The following COL4A4 variants were observed in gnomAD, a reference collection of about 807,000 sequenced individuals.
COL4A4 encodes the protein collagen alpha-4(IV) chain.
COL4A4 carries 105 observed loss-of-function variants against 192.9 expected under a neutral mutation model. That is an observed-to-expected ratio of 0.54 (90% CI 0.46 to 0.64). The LOEUF is 0.64. COL4A4 is among the 30% of genes least tolerant of loss of function. COL4A4 has a pLI of 0.00. For missense variants in COL4A4, 1,967 were observed against 2,169.3 expected (o/e 0.91, Z 1.85); for synonymous variants, 762 against 769.9 (o/e 0.99, Z 0.17).
intron 37 of COL4A4, among the ~76,000 whole-genome samples, chr2:227,034,032 T>C (rs1490402526): frequency 6.6e-6 from 1 of 152,226 alleles, no homozygotes; most frequent in South Asian, 2.1e-4. Context: ...GCTCCAGCTA[T>C]TGCTTTGCAG....
In COL4A4 at chr2:227,123,384, CA is replaced by C. The variant is rs1315790525; in HGVS notation, c.193-2237del. ...GAAAGCCCTCACAGCCTGACTTCAT[CA>C]GGGTGCTCCAGGAGCAACACAGAGG... On this transcript the variant is annotated intron_variant, in intron 4 of 47. Transcript: ENST00000396625. This position sits in a 1 kb window ranked among gnomAD's most constrained non-coding sequence, Gnocchi z 4.6. 2.0e-5 allele frequency among the ~76,000 whole-genome samples: 3 copies of C among 152,212 alleles called. No individual in the cohort carries two copies. Among genetic ancestry groups the C allele is most frequent in the African/African-American group, 7.2e-5 (3 of 41,456 alleles).
the COL4A4 span, among the ~76,000 whole-genome samples, chr2:226,992,748 C>T: frequency 6.6e-6 from 1 of 152,124 alleles, no homozygotes; most frequent in East Asian, 1.9e-4. Flanking sequence ...GCAGGAAGGG[C>T]GGGAATGGTG....
chr2:227,011,391 A>G (rs1422715689), intron 45 of COL4A4, among the ~76,000 whole-genome samples: 2 of 152,168 alleles, frequency 1.3e-5, no homozygotes, highest in Non-Finnish European at 2.9e-5. Flanking sequence ...GATATTTTGA[A>G]CGAAGAGAGT....
At chr2:226,986,295 G>A in the COL4A4 span, among the ~76,000 whole-genome samples, 1 of 152,056 alleles carries the variant, frequency 6.6e-6, no homozygotes, top group Non-Finnish European at 1.5e-5. Flanking sequence ...AAGGAAATTA[G>A]TGAAAAAAAC....
chr2:227,114,418 T>C lies in COL4A4; in HGVS notation c.558+210A>G, dbSNP rs113424875. ...CTTGCAGTTCTGACTAGTTCAGAAG[T>C]AATGGAATTTTACAGTGCTGGAATT... On this transcript the variant is annotated intron_variant, in intron 8 of 47. Transcript: ENST00000396625. 0.035 allele frequency among the ~76,000 whole-genome samples: 5,308 copies of C among 152,306 alleles called. 304 individuals carry two copies. Among genetic ancestry groups the C allele is most frequent in the African/African-American group, 0.12 (4,965 of 41,544 alleles).
intron 20 of COL4A4, 85 bp from the exon 21 acceptor site, chr2:227,090,042 C>T: frequency 9.9e-7 from 1 of 1,011,622 alleles, no homozygotes; most frequent in Non-Finnish European, 1.5e-6. Flanking sequence ...TTTGCACTCA[C>T]ATCCTCCCCC....
chr2:227,102,766 T>C lies in COL4A4; in HGVS notation c.930+23A>G, dbSNP rs1376321811. 6 of 1,600,258 alleles carry C rather than the reference T, an allele frequency of 3.7e-6. No individual in the cohort carries two copies. The East Asian group carries it at 8.9e-5, about 24-fold the overall frequency. ...AGAGAAATATCTCCAAATTCACTGA[T>C]GTTAACAGCAAATGATGCTTACCCG... On this transcript the variant is annotated intron_variant, in intron 15 of 47. Transcript: ENST00000396625.
At position 227,101,750 on chromosome 2, in the gene COL4A4, ATG is replaced by A. The variant is rs2060536313; in HGVS notation, c.975+113_975+114del. 8.4e-6 allele frequency: 9 copies of A among 1,067,946 alleles called. No homozygotes were observed. The Admixed American group carries it at 1.9e-4, about 22-fold the overall frequency. 66.2% of individuals were successfully genotyped at this position (1,067,946 alleles called of 1,614,324 possible). ...CTAAATCCTGCAATCCATAAAATGA[ATG>A]TGTCTGCCTTCCTAATTACTGTGTT... On this transcript the variant is annotated intron_variant, in intron 16 of 47. Transcript: ENST00000396625.
At chr2:227,120,793 G>A (rs1438793918) in intron 5 of COL4A4, 1 of 530,912 alleles carries the variant, frequency 1.9e-6, no homozygotes, top group Admixed American at 3.1e-5. Flanking sequence ...ACAAAAATTA[G>A]CTGGACATGG....
At chr2:227,122,118 C>T (rs1183239567) in intron 4 of COL4A4, among the ~76,000 whole-genome samples, 1 of 152,184 alleles carries the variant, frequency 6.6e-6, no homozygotes, top group Non-Finnish European at 1.5e-5. Flanking sequence ...AGTGAAGAAG[C>T]TTTATGGGGC....
intron 22 of COL4A4, among the ~76,000 whole-genome samples, chr2:227,084,218 T>C (rs2059466506): frequency 6.6e-6 from 1 of 152,202 alleles, no homozygotes; most frequent in Non-Finnish European, 1.5e-5. Context: ...GGCCAAAGTG[T>C]ATGTCATATG....
chr2:227,110,176 T>C (rs1277066529), intron 9 of COL4A4, among the ~76,000 whole-genome samples: 2 of 152,078 alleles, frequency 1.3e-5, no homozygotes, highest in African/African-American at 4.8e-5. Flanking sequence ...TGTGGAGAGA[T>C]GTTCCCCGGG....
At chr2:227,053,733 G>A (rs1460477639) in intron 31 of COL4A4, among the ~76,000 whole-genome samples, 1 of 151,340 alleles carries the variant, frequency 6.6e-6, no homozygotes, top group Non-Finnish European at 1.5e-5. Flanking sequence ...AGTTTTAGTA[G>A]AGACAGGGTT....
intron 38 of COL4A4, among the ~76,000 whole-genome samples, chr2:227,033,193 C>A (rs903878008): frequency 3.3e-5 from 5 of 152,124 alleles, no homozygotes; most frequent in African/African-American, 1.2e-4. Flanking sequence ...CACTGTTAAC[C>A]AACCATTCCT....
At chr2:227,057,361 C>T (rs532756904) in intron 29 of COL4A4, 78 bp downstream of exon 29, 89 of 1,487,164 alleles carry the variant, frequency 6.0e-5, no homozygotes, top group Non-Finnish European at 8.0e-5. Flanking sequence ...CTGGCAGCAT[C>T]CATAAAAGAG....
At chr2:227,122,594 C>T (rs1327673298) in intron 4 of COL4A4, among the ~76,000 whole-genome samples, 1 of 152,192 alleles carries the variant, frequency 6.6e-6, no homozygotes, top group Non-Finnish European at 1.5e-5. Flanking sequence ...ATCAGCATGC[C>T]AGCCCTACTC....
rs186615965 is a variant in COL4A4, at chr2:227,027,846, G to A, written c.4081+56C>T. On this transcript the variant is annotated intron_variant, in intron 42 of 47. Transcript: ENST00000396625. ...TCAGAATATTAACTACTTTCTGAAC[G>A]ATGATCATTTTAGTAAATGTTTAAA... 669 of 1,209,540 alleles carry A rather than the reference G, an allele frequency of 5.5e-4. 3 individuals are homozygous for A. The African/African-American group carries it at 8.7e-3, about 16-fold the overall frequency. 74.9% of individuals were successfully genotyped at this position (1,209,540 alleles called of 1,614,324 possible). A position where few individuals can be genotyped will look rare whatever the true frequency, so the allele number is the denominator to read the frequency against.
chr2:227,163,097 C>T (rs142567954), intron 1 of COL4A4, among the ~76,000 whole-genome samples: 2 of 152,328 alleles, frequency 1.3e-5, no homozygotes, highest in African/African-American at 2.4e-5. Flanking sequence ...TGTTCCAAAG[C>T]AAAGATTCTT....
the COL4A4 span, among the ~76,000 whole-genome samples, chr2:226,968,714 A>C: frequency 6.6e-6 from 1 of 152,214 alleles, no homozygotes; most frequent in Non-Finnish European, 1.5e-5. Context: ...TAAGTGGGGC[A>C]GTTGGCATTC....
Sources: gnomAD v4.1 joint callset for allele counts (sites outside exome capture counted in the v4.1 genomes callset) on GRCh38, gnomAD v4.1.1 for gene constraint, Gnocchi (gnomAD v3.1) non-coding constraint, MANE v1.5 for transcripts, NCBI Gene and HGNC (gene_info 2026-07-23, HGNC 2026-07-21) for gene names.